Variants in PRKG1 observed in about 807,000 individuals in gnomAD.
The protein encoded by PRKG1 is cGMP-dependent protein kinase 1.
PRKG1 carries 35 observed loss-of-function variants against 88.1 expected under a neutral mutation model. The observed-to-expected ratio is 0.40, with a 90% CI of 0.30 to 0.53. The LOEUF (loss-of-function observed/expected upper bound fraction) is 0.53, where lower values mean the gene tolerates loss of function less well. Among genes scored for constraint, PRKG1 ranks in the 20% least tolerant of loss-of-function variants. The pLI is 0.59. For synonymous variants in PRKG1, 303 were observed against 292.5 expected, an observed-to-expected ratio of 1.04 and a Z score of -0.37; for missense variants, 540 against 839.8, an observed-to-expected ratio of 0.64 and a Z score of 4.41.
At chr10:51,545,264 A>C (rs1842419170) in intron 3 of PRKG1, among the ~76,000 whole-genome samples, 2 of 152,122 alleles carry the variant, frequency 1.3e-5, no homozygotes, top group Admixed American at 1.3e-4. Flanking sequence ...CAAATTCAAC[A>C]ATTTTCTTCA....
intron 4 of PRKG1, among the ~76,000 whole-genome samples, chr10:51,809,900 CTTCT>C (rs1361834108): frequency 6.6e-6 from 1 of 152,144 alleles, no homozygotes; most frequent in Non-Finnish European, 1.5e-5. Flanking sequence ...CCATCTTCTC[CTTCT>C]TTATTCTCTC....
chr10:52,021,782 T>G (rs1564433346), intron 5 of PRKG1, among the ~76,000 whole-genome samples: 1 of 152,220 alleles, frequency 6.6e-6, no homozygotes, highest in Non-Finnish European at 1.5e-5. Flanking sequence ...AGGTAATTAT[T>G]CAAGTATATA....
chr10:51,102,980 G>A (rs1234022067), intron 1 of PRKG1, among the ~76,000 whole-genome samples: 2 of 151,948 alleles, frequency 1.3e-5, no homozygotes. Flanking sequence ...AACAAGAAGA[G>A]GATACTGGTA....
At chr10:51,628,393 G>A (rs1839428485) in intron 3 of PRKG1, among the ~76,000 whole-genome samples, 1 of 151,128 alleles carries the variant, frequency 6.6e-6, no homozygotes. Context: ...AAATTCCTGG[G>A]GTCAAGAATT....
intron 5 of PRKG1, among the ~76,000 whole-genome samples, chr10:51,945,994 T>A (rs962037288): frequency 2.6e-5 from 4 of 151,338 alleles, no homozygotes; most frequent in Non-Finnish European, 5.9e-5. Context: ...TGAATCTGAA[T>A]GTTGGCCTGC....
intron 5 of PRKG1, among the ~76,000 whole-genome samples, chr10:52,020,896 A>G (rs77521503): frequency 1.6e-4 from 24 of 152,246 alleles, no homozygotes; most frequent in African/African-American, 5.8e-4. Context: ...GCATTCAATT[A>G]GCATTTTAAT....
intron 3 of PRKG1, among the ~76,000 whole-genome samples, chr10:51,600,319 T>C (rs545876850): frequency 6.6e-6 from 1 of 152,300 alleles, no homozygotes; most frequent in Admixed American, 6.5e-5. Flanking sequence ...TATGGCCTTC[T>C]TCATATCAAA....
chr10:51,277,429 T>A lies in PRKG1; in HGVS notation c.478+124099T>A, dbSNP rs147282510. Among the ~76,000 whole-genome samples, 830 of 152,334 alleles carry A rather than the reference T, an allele frequency of 5.4e-3. 4 individuals are homozygous for A. Among genetic ancestry groups the A allele is most frequent in the Non-Finnish European group, 9.7e-3 (660 of 68,030 alleles). On this transcript the variant is annotated intron_variant, in intron 2 of 17. Transcript: ENST00000373980. ...CGGCTTTGTTCTTTTGGCTTAGGAT[T>A]GTCTTGGCAATGTGGGCTCTTTTTT...
chr10:52,184,791 G>A (rs1456335995), intron 9 of PRKG1: 1 of 152,224 alleles, frequency 6.6e-6, no homozygotes, highest in East Asian at 1.9e-4. Context: ...CACATGGCAA[G>A]AGCAGAAACA....
intron 4 of PRKG1, among the ~76,000 whole-genome samples, chr10:51,890,933 G>A (rs1425673389): frequency 6.6e-6 from 1 of 152,190 alleles, no homozygotes; most frequent in African/African-American, 2.4e-5. Flanking sequence ...TCCAGCCTGG[G>A]CAATACAGCA....
chr10:52,259,357 GA>G lies in PRKG1; in HGVS notation c.1173+7692del, dbSNP rs1470006145. 4.6e-5 allele frequency among the ~76,000 whole-genome samples: 7 copies of G among 152,038 alleles called. No homozygotes were observed. The East Asian group carries it at 1.4e-3, about 29-fold the overall frequency. The stretch of plus-strand genomic sequence containing the variant: ...AAAATTTCATGTAAACACTTTCAAA[GA>G]GGGATTCCTTCCATGAGAGGGAAAA... On this transcript the variant is annotated intron_variant, in intron 10 of 17. Transcript: ENST00000373980.
intron 9 of PRKG1, among the ~76,000 whole-genome samples, chr10:52,197,395 G>A (rs1839536492): frequency 1.3e-5 from 2 of 152,154 alleles, no homozygotes; most frequent in Admixed American, 6.6e-5. Flanking sequence ...AGCACGTTTT[G>A]ATATAATCGG....
intron 1 of PRKG1, among the ~76,000 whole-genome samples, chr10:51,087,828 G>A (rs531091926): frequency 5.3e-5 from 8 of 152,258 alleles, no homozygotes; most frequent in East Asian, 1.9e-4. Flanking sequence ...GCAGTGGTGC[G>A]ATCTTGGTTC....
intron 3 of PRKG1, among the ~76,000 whole-genome samples, chr10:51,671,093 A>G (rs574239288): frequency 6.6e-6 from 1 of 152,256 alleles, no homozygotes; most frequent in South Asian, 2.1e-4. Flanking sequence ...TATTTTTAGA[A>G]GTTTAATCAA....
chr10:51,406,934 G>A (rs188137245), intron 2 of PRKG1, among the ~76,000 whole-genome samples: 6 of 152,280 alleles, frequency 3.9e-5, no homozygotes, highest in African/African-American at 7.2e-5. Flanking sequence ...GGACCAGTCC[G>A]AGTTCCAAAA....
chr10:52,076,411 G>C (rs1266995488), intron 7 of PRKG1, among the ~76,000 whole-genome samples: 3 of 152,180 alleles, frequency 2.0e-5, no homozygotes, highest in Non-Finnish European at 2.9e-5. Context: ...GCAGAAATTA[G>C]TTGGGCATGG....
chr10:51,745,066 T>C (rs1837542193), intron 3 of PRKG1, among the ~76,000 whole-genome samples: 1 of 152,170 alleles, frequency 6.6e-6, no homozygotes, highest in Non-Finnish European at 1.5e-5. Flanking sequence ...TTAATGAAAA[T>C]TGAATACCTT....
At chr10:51,683,762 C>T (rs989082458) in intron 3 of PRKG1, among the ~76,000 whole-genome samples, 1 of 152,092 alleles carries the variant, frequency 6.6e-6, no homozygotes, top group Non-Finnish European at 1.5e-5. Context: ...TTAGGTTCCC[C>T]CCACCACCCT....
chr10:52,085,607 C>G (rs1019275107), intron 7 of PRKG1, among the ~76,000 whole-genome samples: 2 of 151,994 alleles, frequency 1.3e-5, no homozygotes, highest in African/African-American at 4.8e-5. Flanking sequence ...TATTTTCTGT[C>G]TCAACTTTGG....
Sources: allele counts gnomAD v4.1 joint callset (sites outside exome capture counted in the v4.1 genomes callset), GRCh38; gene constraint gnomAD v4.1.1; transcripts MANE v1.5; gene names NCBI Gene and HGNC (gene_info 2026-07-23, HGNC 2026-07-21).